Variants in ADAM10 observed in about 807,000 individuals in gnomAD.
ADAM10 encodes the protein disintegrin and metalloproteinase domain-containing protein 10.
ADAM10 carries 17 observed loss-of-function variants against 90.1 expected under a neutral mutation model. The ratio of observed to expected loss-of-function variants is 0.19; its 90% CI spans 0.13 to 0.28. ADAM10 has a LOEUF of 0.28. Ranked by LOEUF, ADAM10 falls within the 10% of genes least tolerant of loss-of-function variation. The pLI is 1.00. For missense variants in ADAM10, 610 were observed against 914.3 expected (o/e 0.67, Z 4.29); for synonymous variants, 310 against 298.6 (o/e 1.04, Z -0.40).
At chr15:58,742,767 ATTT>A (rs1899656728) in intron 1 of ADAM10, among the ~76,000 whole-genome samples, 1 of 152,208 alleles carries the variant, frequency 6.6e-6, no homozygotes, top group Non-Finnish European at 1.5e-5. Flanking sequence ...CCACTGCTAG[ATTT>A]TTGTTCAGAA....
chr15:58,748,840 GC>G, intron 1 of ADAM10: 1 of 398,318 alleles, frequency 2.5e-6, no homozygotes, highest in Non-Finnish European at 4.4e-6. Flanking sequence ...AAGAACCGAG[GC>G]CACTAGTCTC....
At chr15:58,673,901 AC>A (rs1897255746) in intron 4 of ADAM10, among the ~76,000 whole-genome samples, 1 of 151,924 alleles carries the variant, frequency 6.6e-6, no homozygotes, top group African/African-American at 2.4e-5. Flanking sequence ...CGCCCGGCTA[AC>A]TTTTTGTATT....
chr15:58,706,058 C>T (rs1453352194), intron 2 of ADAM10, among the ~76,000 whole-genome samples: 1 of 152,178 alleles, frequency 6.6e-6, no homozygotes, highest in African/African-American at 2.4e-5. Context: ...GGATGGACTA[C>T]TGTAGACTAA....
Position 58,679,250 on chromosome 15 carries a change from T to A in ADAM10, c.358A>T (p.Ile120Phe). The change falls in exon 4 of 16, where the codon ATT (isoleucine) becomes TTT (phenylalanine). Residue 120 changes from isoleucine (I) to phenylalanine (F), a missense_variant. Coordinates refer to ENST00000260408, the MANE Select transcript of ADAM10 (RefSeq NM_001110.4). Reference sequence around the variant, plus strand: ...ATGAATCCTTCAAATCTTCCATCAATAACAGACCCATGGCTAAAACTTCCT... The same window carrying A: ...ATGAATCCTTCAAATCTTCCATCAAAAACAGACCCATGGCTAAAACTTCCT... ...EEGSFSHGSV[I>F]DGRFEGFIQT... 1 of 1,614,042 alleles carries A rather than the reference T, an allele frequency of 6.2e-7. No homozygotes were observed. The highest frequency in any genetic ancestry group is 8.5e-7 in the Non-Finnish European group (1 of 1,179,992).
chr15:58,683,859 C>CAAAAAAAAAAAA (rs71425819), intron 2 of ADAM10, among the ~76,000 whole-genome samples: 2 of 67,246 alleles, frequency 3.0e-5, no homozygotes, highest in Non-Finnish European at 6.2e-5. Flanking sequence ...GGCTCCATCT[C>CAAAAAAAAAAAA]AAAAAAAAAA....
intron 1 of ADAM10, among the ~76,000 whole-genome samples, chr15:58,724,549 G>C (rs543150124): frequency 1.3e-5 from 2 of 152,338 alleles, no homozygotes; most frequent in East Asian, 3.9e-4. Context: ...GAAACCAAGA[G>C]CCTGAAGTTT....
chr15:58,625,466 G>A (rs1181375654), intron 10 of ADAM10, among the ~76,000 whole-genome samples: 5 of 152,044 alleles, frequency 3.3e-5, no homozygotes, highest in African/African-American at 4.8e-5. Context: ...ATCACAGCAC[G>A]CCCATCAGAA....
chr15:58,648,390 T>C (rs1220319713), intron 5 of ADAM10, among the ~76,000 whole-genome samples: 1 of 152,162 alleles, frequency 6.6e-6, no homozygotes, highest in African/African-American at 2.4e-5. Context: ...CCATGTTATT[T>C]GTGAAATGCA....
chr15:58,730,264 T>C lies in ADAM10; in HGVS notation c.56-12537A>G, dbSNP rs59743388. Among the ~76,000 whole-genome samples, 376 of 152,292 alleles carry C rather than the reference T, an allele frequency of 2.5e-3. 1 individual carries two copies. The highest frequency in any genetic ancestry group is 8.5e-3 in the African/African-American group (354 of 41,570). ...ATACCTCAACTGATGTCTCAGGCAA[T>C]ATACTGAGTAGAAAAAGTTTCCAAA... On this transcript the variant is annotated intron_variant, in intron 1 of 15. Transcript: ENST00000260408.
chr15:58,608,416 G>A (rs112801666), intron 14 of ADAM10, among the ~76,000 whole-genome samples: 6 of 152,290 alleles, frequency 3.9e-5, no homozygotes, highest in African/African-American at 1.4e-4. Flanking sequence ...ATAAGCAAAT[G>A]AGACAAGTAA....
chr15:58,647,748 T>A (rs532427306), intron 5 of ADAM10, among the ~76,000 whole-genome samples: 2 of 152,270 alleles, frequency 1.3e-5, no homozygotes, highest in South Asian at 4.1e-4. Flanking sequence ...GACGGAGGTC[T>A]TCCTATGTTG....
intron 14 of ADAM10, among the ~76,000 whole-genome samples, chr15:58,605,994 C>T (rs1228286610): frequency 6.6e-6 from 1 of 152,124 alleles, no homozygotes; most frequent in East Asian, 1.9e-4. Context: ...GGAAGACATG[C>T]ACTCAAGTCT....
chr15:58,699,779 A>C lies in ADAM10; in HGVS notation c.207-17465T>G, dbSNP rs550183346. Among the ~76,000 whole-genome samples, 11 of 152,328 alleles carry C rather than the reference A, an allele frequency of 7.2e-5. No individual in the cohort carries two copies. The South Asian group carries it at 2.3e-3, about 32-fold the overall frequency. ...CAACACAGTGAGAGCCCATCTCAAA[A>C]AAGCCAAAGAAAACCAAAAAATATA... On this transcript the variant is annotated intron_variant, in intron 2 of 15. Transcript: ENST00000260408.
At chr15:58,687,037 TG>T (rs1309310288) in intron 2 of ADAM10, among the ~76,000 whole-genome samples, 1 of 152,240 alleles carries the variant, frequency 6.6e-6, no homozygotes, top group African/African-American at 2.4e-5. Context: ...CTGTTGTTCC[TG>T]GAAGATATTT....
At chr15:58,639,607 T>G (rs776695158) in intron 8 of ADAM10, among the ~76,000 whole-genome samples, 16 of 152,052 alleles carry the variant, frequency 1.1e-4, no homozygotes, top group Non-Finnish European at 2.2e-4. Flanking sequence ...AAAAGACAAA[T>G]ATCCAAAAGT....
intron 2 of ADAM10, among the ~76,000 whole-genome samples, chr15:58,712,742 C>T (rs1279378394): frequency 1.3e-5 from 2 of 152,036 alleles, no homozygotes; most frequent in African/African-American, 4.8e-5. Flanking sequence ...AGGACAATGG[C>T]ATGAACCCAG....
Position 58,591,101 on chromosome 15 carries a change from G to C in ADAM10, c.*6446C>G, listed in dbSNP as rs1366590996. On this transcript the variant is annotated 3_prime_UTR_variant, in exon 16 of 16. Coordinates refer to ENST00000260408, the MANE Select transcript of ADAM10 (RefSeq NM_001110.4). ...CATACTCCTTGACATGTTTAACAGA[G>C]AACAAATATTTTACTTAAGTAGTTA... The C allele has an allele frequency of 6.6e-6, 1 of 152,084 alleles. No individual in the cohort carries two copies. Among genetic ancestry groups the C allele is most frequent in the African/African-American group, 2.4e-5 (1 of 41,384 alleles). The allele number at this position is 152,084 out of a possible 1,614,324, so 9.4% of individuals were successfully genotyped here.
chr15:58,734,673 C>A (rs1411155405), intron 1 of ADAM10, among the ~76,000 whole-genome samples: 3 of 150,498 alleles, frequency 2.0e-5, no homozygotes. Flanking sequence ...GCAATGCAGC[C>A]TGGGTGACAA....
rs1211225400 is a variant in ADAM10, at chr15:58,592,013, T to C, written c.*5534A>G. On this transcript the variant is annotated 3_prime_UTR_variant, in exon 16 of 16. Coordinates refer to ENST00000260408, the MANE Select transcript of ADAM10 (RefSeq NM_001110.4). ...TTTCTGTTGTTGAAGCAGGACCATA[T>C]GTCTTGTAGTTTTCCAGAGTCTGGA... The C allele has an allele frequency of 4.6e-5, 7 of 152,240 alleles. No individual in the cohort carries two copies. Among genetic ancestry groups the C allele is most frequent in the Admixed American group, 2.6e-4 (4 of 15,280 alleles). The allele number at this position is 152,240 out of a possible 1,614,324, so 9.4% of individuals were successfully genotyped here. A position where few individuals can be genotyped will look rare whatever the true frequency, so the allele number is the denominator to read the frequency against.
Sources: gnomAD v4.1 joint callset for allele counts (sites outside exome capture counted in the v4.1 genomes callset) on GRCh38, gnomAD v4.1.1 for gene constraint, MANE v1.5 for transcripts, NCBI Gene and HGNC (gene_info 2026-07-23, HGNC 2026-07-21) for gene names.